The following GRIK2 variants were observed in gnomAD, a reference collection of about 807,000 sequenced individuals.
GRIK2 encodes glutamate receptor ionotropic, kainate 2.
Under a neutral mutation model 100.3 loss-of-function variants are expected in GRIK2, and 32 were observed. The observed-to-expected ratio is 0.32, with a 90% CI of 0.24 to 0.43. GRIK2 has a LOEUF of 0.43. Ranked by LOEUF, GRIK2 falls within the 20% of genes least tolerant of loss-of-function variation. The pLI, the probability that GRIK2 is intolerant of heterozygous loss-of-function variation, is 1.00. For missense variants in GRIK2, 843 were observed against 1,114.9 expected (o/e 0.76, Z 3.47); for synonymous variants, 417 against 389.4 (o/e 1.07, Z -0.83).
intron 14 of GRIK2, among the ~76,000 whole-genome samples, chr6:101,990,424 ATATC>A (rs1429983171): frequency 2.0e-5 from 3 of 151,658 alleles, no homozygotes. Context: ...TCTATGTACT[ATATC>A]TCTGTTCATT....
intron 7 of GRIK2, among the ~76,000 whole-genome samples, chr6:101,796,940 G>T (rs1780345908): frequency 6.6e-6 from 1 of 152,014 alleles, no homozygotes; most frequent in South Asian, 2.1e-4. Context: ...ACTGTGTCCT[G>T]ATCTTGAAAC....
At chr6:101,408,421 A>G (rs1038740423) in intron 2 of GRIK2, among the ~76,000 whole-genome samples, 3 of 151,912 alleles carry the variant, frequency 2.0e-5, no homozygotes, top group African/African-American at 4.8e-5. Flanking sequence ...GGTATTTATT[A>G]TAAGTAATTG....
At chr6:101,867,481 A>T (rs1785122894) in intron 11 of GRIK2, among the ~76,000 whole-genome samples, 1 of 151,910 alleles carries the variant, frequency 6.6e-6, no homozygotes, top group Admixed American at 6.6e-5. Flanking sequence ...TTTAATCCAG[A>T]AACATGGTCT....
intron 11 of GRIK2, among the ~76,000 whole-genome samples, chr6:101,886,987 G>A (rs1405164745): frequency 7.1e-6 from 1 of 139,950 alleles, no homozygotes; most frequent in East Asian, 2.2e-4. Context: ...CACCACACCT[G>A]GGTATTTTTT....
At chr6:101,652,402 GGCATCCTGAC>G (rs1419550486) in intron 4 of GRIK2, among the ~76,000 whole-genome samples, 5 of 152,032 alleles carry the variant, frequency 3.3e-5, no homozygotes, top group African/African-American at 1.2e-4. Context: ...TGATGATACG[GGCATCCTGAC>G]TTCAAACTTT....
At position 101,455,051 on chromosome 6, in the gene GRIK2, A is replaced by C. The variant is rs182742129; in HGVS notation, c.115+55659A>C. Among the ~76,000 whole-genome samples the C allele has an allele frequency of 2.6e-4, 40 of 152,136 alleles. No individual in the cohort carries two copies. The East Asian group carries it at 7.4e-3, about 28-fold the overall frequency. On this transcript the variant is annotated intron_variant, in intron 2 of 16. Transcript: ENST00000369134. ...CTCAATAATTTATAAAATCTTCTAC[A>C]TTTTACCTACTGGATTTGGTTATAA... is the stretch of plus-strand genomic sequence containing the variant.
intron 7 of GRIK2, among the ~76,000 whole-genome samples, chr6:101,787,956 G>T (rs1189121792): frequency 6.6e-6 from 1 of 151,998 alleles, no homozygotes; most frequent in Non-Finnish European, 1.5e-5. Flanking sequence ...AATAAAATTT[G>T]TTTTATATAT....
At chr6:101,759,070 A>T (rs1372161674) in intron 7 of GRIK2, among the ~76,000 whole-genome samples, 1 of 152,198 alleles carries the variant, frequency 6.6e-6, no homozygotes, top group African/African-American at 2.4e-5. Flanking sequence ...GCTTGACAAC[A>T]TGCTGTCTCA....
chr6:101,696,452 C>G (rs1310592776), intron 7 of GRIK2, among the ~76,000 whole-genome samples: 2 of 151,780 alleles, frequency 1.3e-5, no homozygotes, highest in African/African-American at 4.8e-5. Flanking sequence ...AAAAAGTACT[C>G]AACTCTGTTA....
chr6:102,062,903 G>C (rs1201370042), intron 16 of GRIK2, among the ~76,000 whole-genome samples: 2 of 150,156 alleles, frequency 1.3e-5, no homozygotes, highest in Non-Finnish European at 3.0e-5. Flanking sequence ...TTCCATTTTA[G>C]TTATTATTAT....
At chr6:101,511,453 A>G (rs1774312098) in intron 2 of GRIK2, among the ~76,000 whole-genome samples, 1 of 152,120 alleles carries the variant, frequency 6.6e-6, no homozygotes, top group Admixed American at 6.6e-5. Context: ...TCTGTTATAG[A>G]GAGAGGTGAA....
intron 2 of GRIK2, among the ~76,000 whole-genome samples, chr6:101,576,743 T>C (rs984196331): frequency 6.6e-6 from 1 of 152,090 alleles, no homozygotes; most frequent in Non-Finnish European, 1.5e-5. Flanking sequence ...CTTTTCTGTG[T>C]AAATGAGGAG....
At chr6:101,503,058 T>C (rs1773846606) in intron 2 of GRIK2, among the ~76,000 whole-genome samples, 1 of 151,954 alleles carries the variant, frequency 6.6e-6, no homozygotes, top group Non-Finnish European at 1.5e-5. Flanking sequence ...GTTAACCAAA[T>C]AGGGGAAAAC....
rs1380830052 is a variant in GRIK2 at position 101,629,303 on chromosome 6, A to G, written c.541+2666A>G. ...ACTTAGAATTGTTACAGAATTATTC[A>G]TAGAATAAATATGTCTTGAAATCCT... On this transcript the variant is annotated intron_variant, in intron 4 of 16. Transcript: ENST00000369134. 2.6e-5 allele frequency among the ~76,000 whole-genome samples: 4 copies of G among 152,128 alleles called. No individual in the cohort carries two copies. In the East Asian group the frequency reaches 7.7e-4, roughly 29 times the overall value.
At chr6:101,414,977 G>C (rs75935721) in intron 2 of GRIK2, among the ~76,000 whole-genome samples, 7,856 of 149,382 alleles carry the variant, frequency 0.053, 248 homozygotes, top group Non-Finnish European at 0.072. Context: ...TGTGTGTGGT[G>C]TGTGGTGTGT....
chr6:101,505,519 A>G (rs1218062337), intron 2 of GRIK2, among the ~76,000 whole-genome samples: 1 of 152,160 alleles, frequency 6.6e-6, no homozygotes, highest in Non-Finnish European at 1.5e-5. Context: ...TATACCAGAC[A>G]TGGAAAACTG....
chr6:101,437,252 CATTAGCA>C (rs1443125188), intron 2 of GRIK2, among the ~76,000 whole-genome samples: 1 of 151,944 alleles, frequency 6.6e-6, no homozygotes, highest in Non-Finnish European at 1.5e-5. Context: ...GAATGAAAGG[CATTAGCA>C]AAAATGTCCT....
intron 10 of GRIK2, among the ~76,000 whole-genome samples, chr6:101,824,872 A>G (rs1296483067): frequency 6.6e-6 from 1 of 152,190 alleles, no homozygotes; most frequent in Non-Finnish European, 1.5e-5. Context: ...TGGGAAGCAA[A>G]TTTCCAATGA....
chr6:101,632,858 A>C (rs544703844), intron 4 of GRIK2, among the ~76,000 whole-genome samples: 114 of 152,202 alleles, frequency 7.5e-4, no homozygotes, highest in African/African-American at 2.6e-3. Context: ...TCAGGAGAAG[A>C]AGGGCTCAGG....
Sources: allele counts gnomAD v4.1 joint callset (sites outside exome capture counted in the v4.1 genomes callset), GRCh38; gene constraint gnomAD v4.1.1; transcripts MANE v1.5; gene names NCBI Gene and HGNC (gene_info 2026-07-23, HGNC 2026-07-21).